The following DTHD1 variants were observed in gnomAD, a reference collection of about 807,000 sequenced individuals.
The protein encoded by DTHD1 is death domain containing 1, also known as death domain-containing protein 1.
Under a neutral mutation model 74.8 loss-of-function variants are expected in DTHD1, and 59 were observed. The observed-to-expected ratio is 0.79, with a 90% CI of 0.64 to 0.98. The LOEUF is 0.98. DTHD1 is among the 50% of genes least tolerant of loss of function. DTHD1 has a pLI of 0.00. For synonymous variants in DTHD1, 365 were observed against 371.1 expected (o/e 0.98, Z 0.19); for missense variants, 1,051 against 1,065.4 (o/e 0.99, Z 0.19).
chr4:36,290,209 C>A (rs1755980956), intron 2 of DTHD1, among the ~76,000 whole-genome samples, 164 bp from the exon 3 acceptor site: 1 of 152,082 alleles, frequency 6.6e-6, no homozygotes, highest in South Asian at 2.1e-4. Context: ...ATTGAGGAAA[C>A]TGAGGCACAG....
At chr4:36,313,994 CTT>C (rs57783952) in intron 7 of DTHD1, among the ~76,000 whole-genome samples, 7 of 143,802 alleles carry the variant, frequency 4.9e-5, no homozygotes, top group East Asian at 2.0e-4. Flanking sequence ...AAATAGTCTA[CTT>C]TTTTTTTTTT....
chr4:36,288,090 C>A (rs908080724), intron 2 of DTHD1, among the ~76,000 whole-genome samples: 1 of 152,020 alleles, frequency 6.6e-6, no homozygotes, highest in African/African-American at 2.4e-5. Context: ...CTGATGTTAT[C>A]TTTTTAAATT....
chr4:36,283,552 T>TG (rs1755519647), intron 1 of DTHD1, among the ~76,000 whole-genome samples: 1 of 152,230 alleles, frequency 6.6e-6, no homozygotes, highest in Admixed American at 6.5e-5. Flanking sequence ...AGTGTTCGCC[T>TG]AATTTTCAGC....
rs187188942 is a variant in DTHD1 at position 36,290,387 on chromosome 4, T to A, written c.902T>A (p.Leu301Gln). 1.4e-4 allele frequency: 222 copies of A among 1,549,998 alleles called. 1 individual carries two copies. In the East Asian group the frequency reaches 4.9e-3, roughly 34 times the overall value. Residue 301 changes from leucine (L) to glutamine (Q), a missense_variant, in exon 3 of 10, where the codon CTG becomes CAG. Leu to Gln is a moderately radical substitution (Grantham distance 113). Transcript: ENST00000639862. ...NIMEKEYLDV[L>Q]SDVTGPQVSC... The stretch of plus-strand genomic sequence containing the variant: ...TCCCCCTCCAGGTATCTTGATGTGC[T>A]GAGTGATGTTACTGGCCCCCAAGTG...
intron 9 of DTHD1, among the ~76,000 whole-genome samples, chr4:36,341,029 G>A (rs1035741386): frequency 3.3e-5 from 5 of 152,122 alleles, no homozygotes; most frequent in African/African-American, 1.2e-4. Context: ...TCAGTGCAGT[G>A]AGTAGAAGTA....
Position 36,290,548 on chromosome 4 carries a change from G to A in DTHD1, c.1063G>A (p.Glu355Lys), listed in dbSNP as rs1756013807. ...CATAACTATTGAATGCTCAGATAAG[G>A]AAAAGAGAGTTCCATTTCCAATAGG... ...NVITIECSDK[E>K]KRVPFPIGIA... Residue 355 changes from glutamate (E) to lysine (K), a missense_variant, in exon 3 of 10, where the codon GAA (glutamate) becomes AAA (lysine). Transcript: ENST00000639862. 1.9e-6 allele frequency: 3 copies of A among 1,551,604 alleles called. No individual in the cohort carries two copies. The highest frequency in any genetic ancestry group is 2.6e-6 in the Non-Finnish European group (3 of 1,146,972).
chr4:36,307,621 C>T (rs759525742), intron 6 of DTHD1, among the ~76,000 whole-genome samples: 5 of 152,178 alleles, frequency 3.3e-5, no homozygotes, highest in Non-Finnish European at 7.3e-5. Flanking sequence ...TCCATCCTAA[C>T]GATCCTTCCC....
At position 36,316,246 on chromosome 4, in the gene DTHD1, C is replaced by T. The variant is rs555041609; in HGVS notation, c.2100C>T (p.Asn700=). The change falls in exon 8 of 10, where the codon AAC becomes AAT. Residue 700 remains asparagine, a synonymous_variant. Transcript: ENST00000639862. Reference sequence around the variant, plus strand: ...ATACATTTTACTTCTATTTAGGCAACGGGAAGGATTATGGAAAAGACTACA... The same window carrying T: ...ATACATTTTACTTCTATTTAGGCAATGGGAAGGATTATGGAAAAGACTACA... ...RFTGNIFASS[N]GKDYGKDYTL... 38 of 1,548,874 alleles carry T rather than the reference C, an allele frequency of 2.5e-5. No individual in the cohort carries two copies. The highest frequency in any genetic ancestry group is 9.6e-5 in the South Asian group (8 of 83,388).
intron 8 of DTHD1, among the ~76,000 whole-genome samples, chr4:36,334,952 G>GT (rs1758923234): frequency 6.6e-6 from 1 of 152,180 alleles, no homozygotes; most frequent in South Asian, 2.1e-4. Flanking sequence ...TGTGGCAAAT[G>GT]TAAGTACTGA....
intron 8 of DTHD1, among the ~76,000 whole-genome samples, chr4:36,336,880 G>A (rs991997052): frequency 4.2e-4 from 64 of 152,190 alleles, no homozygotes; most frequent in African/African-American, 1.5e-3. Context: ...GAAAACTGTG[G>A]AATAGAACCT....
chr4:36,284,625 T>C, intron 2 of DTHD1, 34 bp downstream of exon 2: 1 of 1,408,568 alleles, frequency 7.1e-7, no homozygotes, highest in African/African-American at 1.4e-5. Flanking sequence ...TGCTTAAGTA[T>C]GCCTACTTAT....
chr4:36,327,488 G>C (rs16992070), intron 8 of DTHD1, among the ~76,000 whole-genome samples: 7,146 of 152,228 alleles, frequency 0.047, 221 homozygotes, highest in South Asian at 0.13. Context: ...AAGTAATAGC[G>C]TCTTCCACGT....
At chr4:36,296,895 G>A (rs577273335) in intron 5 of DTHD1, among the ~76,000 whole-genome samples, 1 of 151,782 alleles carries the variant, frequency 6.6e-6, no homozygotes, top group African/African-American at 2.4e-5. Context: ...TTGACTCCTC[G>A]AAAACCGAAC....
At position 36,343,731 on chromosome 4, in the gene DTHD1, T is replaced by A; in HGVS notation, c.2628T>A (p.Ile876=). 6.4e-7 allele frequency: 1 copy of A among 1,551,576 alleles called. No homozygotes were observed. Among genetic ancestry groups the A allele is most frequent in the Non-Finnish European group, 8.7e-7 (1 of 1,146,908 alleles). The part of the protein sequence containing the change: ...LRLLARHLRK[I]GRSDLAEELK... ...TCCTGGCTCGACATCTCCGCAAGAT[T>A]GGCAGGAGTGATCTTGCAGAAGAGC... Residue 876 remains isoleucine (I), a synonymous_variant, in exon 10 of 10, where the codon ATT becomes ATA. Coordinates refer to ENST00000639862, the MANE Select transcript of DTHD1 (RefSeq NM_001170700.3).
Position 36,316,111 on chromosome 4 carries a change from A to G in DTHD1, c.2096-131A>G, listed in dbSNP as rs1578470568. ...CCACCACGCCCGGTTAATTTTTTGT[A>G]TTTTTAGTAGAGACGGGGTTTCACC... On this transcript the variant is annotated intron_variant, in intron 7 of 9. Coordinates refer to ENST00000639862, the MANE Select transcript of DTHD1 (RefSeq NM_001170700.3). 14 of 804,238 alleles carry G rather than the reference A, an allele frequency of 1.7e-5. No individual in the cohort carries two copies. In the East Asian group the frequency reaches 4.0e-4, roughly 23 times the overall value. 49.8% of individuals were successfully genotyped at this position (804,238 alleles called of 1,614,324 possible). A position where few individuals can be genotyped will look rare whatever the true frequency, so the allele number is the denominator to read the frequency against.
intron 9 of DTHD1, among the ~76,000 whole-genome samples, chr4:36,340,129 C>T (rs11936656): frequency 0.49 from 73,765 of 151,988 alleles, 18,544 homozygotes; most frequent in African/African-American, 0.62. Context: ...TTTGTCCTCA[C>T]ATGAATCCTC....
intron 6 of DTHD1, among the ~76,000 whole-genome samples, chr4:36,307,761 T>C (rs920999145): frequency 6.6e-6 from 1 of 152,270 alleles, no homozygotes; most frequent in Non-Finnish European, 1.5e-5. Flanking sequence ...TAATTCTAAT[T>C]AAAATATCAC....
At chr4:36,310,724 G>C (rs1757350409) in intron 7 of DTHD1, among the ~76,000 whole-genome samples, 1 of 152,068 alleles carries the variant, frequency 6.6e-6, no homozygotes, top group South Asian at 2.1e-4. Flanking sequence ...CAGCTTTTTT[G>C]ATATCTCAGG....
Position 36,314,861 on chromosome 4 carries a change from C to G in DTHD1, c.2096-1381C>G, listed in dbSNP as rs73119366. On this transcript the variant is annotated intron_variant, in intron 7 of 9. Coordinates refer to ENST00000639862, the MANE Select transcript of DTHD1 (RefSeq NM_001170700.3). The stretch of plus-strand genomic sequence containing the variant: ...CTGAGCACTTACTGTGTGCCAGGCC[C>G]TATGACAATTATTTTATCCAAATTT... 3.5e-3 allele frequency among the ~76,000 whole-genome samples: 524 copies of G among 150,818 alleles called. 2 individuals carry two copies. The highest frequency in any genetic ancestry group is 0.012 in the African/African-American group (494 of 40,822).
Sources: gnomAD v4.1 joint callset for allele counts (sites outside exome capture counted in the v4.1 genomes callset) on GRCh38, gnomAD v4.1.1 for gene constraint, MANE v1.5 for transcripts, NCBI Gene and HGNC (gene_info 2026-07-23, HGNC 2026-07-21) for gene names.